SNX25: variants seen among roughly 807,000 people sequenced by gnomAD.
SNX25 encodes the protein sorting nexin 25.
Under a neutral mutation model 113.7 loss-of-function variants are expected in SNX25, and 62 were observed. The ratio of observed to expected loss-of-function variants is 0.55; its 90% CI spans 0.44 to 0.67. The LOEUF (loss-of-function observed/expected upper bound fraction) is 0.67, where lower values mean the gene tolerates loss of function less well. Among genes scored for constraint, SNX25 ranks in the 30% least tolerant of loss-of-function variants. The pLI, the probability that SNX25 is intolerant of heterozygous loss-of-function variation, is 0.00. For missense variants in SNX25, 1,014 were observed against 1,161.0 expected (o/e 0.87, Z 1.84); for synonymous variants, 421 against 436.2 (o/e 0.97, Z 0.43).
At chr4:185,306,960 C>T (rs1414590718) in intron 6 of SNX25, among the ~76,000 whole-genome samples, 1 of 152,150 alleles carries the variant, frequency 6.6e-6, no homozygotes, top group African/African-American at 2.4e-5. Context: ...CCAAGTATAA[C>T]ACAAGTTCAG....
intron 10 of SNX25, among the ~76,000 whole-genome samples, chr4:185,336,501 C>A (rs2095230712): frequency 1.3e-5 from 2 of 152,190 alleles, no homozygotes; most frequent in African/African-American, 4.8e-5. Flanking sequence ...GCCATTATTT[C>A]ATTCCTTTTT....
chr4:185,264,371 A>G lies in SNX25; in HGVS notation c.732-67A>G, dbSNP rs530168762. 6 of 1,407,056 alleles carry G rather than the reference A, an allele frequency of 4.3e-6. No homozygotes were observed. The South Asian group carries it at 8.0e-5, about 19-fold the overall frequency. 87.2% of individuals were successfully genotyped at this position (1,407,056 alleles called of 1,614,324 possible). The stretch of plus-strand genomic sequence containing the variant: ...GTGTTTCTCATTTGAAATATTTTTT[A>G]CCTAATAGTACATAATTGAATTGTT... On this transcript the variant is annotated intron_variant, in intron 3 of 18. Coordinates refer to ENST00000652585, the MANE Select transcript of SNX25 (RefSeq NM_001378034.2).
intron 3 of SNX25, among the ~76,000 whole-genome samples, chr4:185,260,136 T>G (rs1437369220): frequency 6.6e-6 from 1 of 152,168 alleles, no homozygotes; most frequent in South Asian, 2.1e-4. Flanking sequence ...ACACTTTTTT[T>G]AACGTTTTTT....
intron 9 of SNX25, among the ~76,000 whole-genome samples, chr4:185,325,229 G>C (rs1235597582): frequency 3.9e-5 from 6 of 152,136 alleles, no homozygotes; most frequent in Admixed American, 3.9e-4. Flanking sequence ...TTTTCTGTTA[G>C]TAACCATTAT....
At chr4:185,268,691 A>G (rs1002398529) in intron 5 of SNX25, among the ~76,000 whole-genome samples, 4 of 152,210 alleles carry the variant, frequency 2.6e-5, no homozygotes, top group African/African-American at 9.6e-5. Flanking sequence ...TAACATTAAG[A>G]TGACTCATGC....
At chr4:185,377,844 T>A in the SNX25 span, 1 of 398,104 alleles carries the variant, frequency 2.5e-6, no homozygotes, top group African/African-American at 2.1e-5. Flanking sequence ...TCTAGAAGCA[T>A]GTCCTTAAGT....
chr4:185,209,144 T>C (rs1367348332), upstream of SNX25, among the ~76,000 whole-genome samples: 1 of 152,176 alleles, frequency 6.6e-6, no homozygotes, highest in Non-Finnish European at 1.5e-5. The surrounding 1 kb of genome is among the most constrained non-coding windows in gnomAD (Gnocchi z 5.2). Flanking sequence ...ACGTGTCTGA[T>C]TCCTTCCCTA....
At chr4:185,335,618 TTA>T (rs2095225099) in intron 10 of SNX25, among the ~76,000 whole-genome samples, 3 of 152,306 alleles carry the variant, frequency 2.0e-5, no homozygotes, top group Admixed American at 1.3e-4. Context: ...AATTAGCCTT[TTA>T]GTTTGATTCC....
chr4:185,374,100 A>G, downstream of SNX25: 2 of 1,538,816 alleles, frequency 1.3e-6, no homozygotes, highest in Non-Finnish European at 1.8e-6. Context: ...ATTAATCTAA[A>G]TATAACACTA....
rs1354297642 is a variant in SNX25 at position 185,210,068 on chromosome 4, C to T, written c.242C>T (p.Ala81Val). ...LSFLGPGSGE[A>V]AGAAGLSSVL... is the part of the protein sequence containing the mutation. ...TTCCTGGGGCCCGGCAGCGGGGAGGCGGCGGGGGCCGCGGGGCTGAGCTCC... is the reference window on the plus strand; with the variant it reads ...TTCCTGGGGCCCGGCAGCGGGGAGGTGGCGGGGGCCGCGGGGCTGAGCTCC... Residue 81 changes from alanine to valine, a missense_variant, in exon 1 of 19, where the codon GCG (alanine) becomes GTG (valine). Ala to Val is a moderately conservative substitution (Grantham distance 64). Transcript: ENST00000652585. This position sits in a 1 kb window ranked among gnomAD's most constrained non-coding sequence, Gnocchi z 4.4. 4.1e-6 allele frequency: 4 copies of T among 984,170 alleles called. No homozygotes were observed. In the African/African-American group the frequency reaches 7.0e-5, roughly 17 times the overall value. 61.0% of individuals were successfully genotyped at this position (984,170 alleles called of 1,614,324 possible).
intron 9 of SNX25, among the ~76,000 whole-genome samples, chr4:185,329,386 G>A (rs1228773254): frequency 2.0e-5 from 3 of 152,192 alleles, no homozygotes; most frequent in African/African-American, 2.4e-5. Flanking sequence ...AGAAGAGGCC[G>A]AGGGTGTCTG....
downstream of SNX25, chr4:185,365,919 C>T (rs1361941154): frequency 6.6e-6 from 1 of 152,098 alleles, no homozygotes; most frequent in Non-Finnish European, 1.5e-5. Context: ...TACAGACAAG[C>T]CAGAACATAA....
Position 185,362,007 on chromosome 4 carries a change from CA to C in SNX25, c.2738del (p.Asn913MetfsTer48), listed in dbSNP as rs2095366717. 6.2e-7 allele frequency: 1 copy of C among 1,613,676 alleles called. No homozygotes were observed. Among genetic ancestry groups the C allele is most frequent in the Non-Finnish European group, 8.5e-7 (1 of 1,179,876 alleles). ...YINIFRDAFW[P>X]NGKLAPPTTI... is the part of the protein sequence containing the mutation. ...AATATTTTCCGGGATGCTTTTTGGC[CA>C]AATGGGAAGTTGGCACCACCGACCA... On this transcript the variant is annotated frameshift_variant, in exon 17 of 19. Coordinates refer to ENST00000652585, the MANE Select transcript of SNX25 (RefSeq NM_001378034.2). LOFTEE classifies it high-confidence loss of function.
chr4:185,284,316 G>A (rs1751047833), intron 5 of SNX25, among the ~76,000 whole-genome samples: 1 of 152,152 alleles, frequency 6.6e-6, no homozygotes. Flanking sequence ...CATTCTTTGT[G>A]GAAGTGTGAC....
At chr4:185,308,543 A>C (rs1579723684) in intron 6 of SNX25, among the ~76,000 whole-genome samples, 1 of 152,178 alleles carries the variant, frequency 6.6e-6, no homozygotes, top group Middle Eastern at 3.2e-3. Flanking sequence ...TCAGCCCCAA[A>C]TTCTAGAAAG....
chr4:185,373,552 C>A (rs1455576611), downstream of SNX25, among the ~76,000 whole-genome samples: 3 of 152,202 alleles, frequency 2.0e-5, no homozygotes, highest in Non-Finnish European at 4.4e-5. Context: ...TTGCCTCATA[C>A]TCTGCTACAG....
intron 5 of SNX25, among the ~76,000 whole-genome samples, chr4:185,277,528 C>T (rs1227853974): frequency 6.6e-6 from 1 of 151,948 alleles, no homozygotes; most frequent in Non-Finnish European, 1.5e-5. Flanking sequence ...CCCGCCATGG[C>T]CGATTTAAAG....
chr4:185,210,274 G>C lies in SNX25; in HGVS notation c.429+19G>C, dbSNP rs1737527445. 4 of 984,524 alleles carry C rather than the reference G, an allele frequency of 4.1e-6. No individual in the cohort carries two copies. The highest frequency in any genetic ancestry group is 1.8e-5 in the African/African-American group (1 of 57,106). 61.0% of individuals were successfully genotyped at this position (984,524 alleles called of 1,614,324 possible). A position where few individuals can be genotyped will look rare whatever the true frequency, so the allele number is the denominator to read the frequency against. On this transcript the variant is annotated intron_variant, in intron 1 of 18. Transcript: ENST00000652585. This position sits in a 1 kb window ranked among gnomAD's most constrained non-coding sequence, Gnocchi z 4.4. ...GCCGGGGGTAAGTACCCGACTCCTG[G>C]CCGCCCAGCTCCGCCGGCCCTCCCC...
intron 5 of SNX25, among the ~76,000 whole-genome samples, chr4:185,281,580 C>T (rs1446479048): frequency 1.3e-5 from 2 of 152,086 alleles, no homozygotes; most frequent in Non-Finnish European, 2.9e-5. Context: ...TCCAGCAGTC[C>T]CTTTTAGTAG....
Sources: allele counts gnomAD v4.1 joint callset (sites outside exome capture counted in the v4.1 genomes callset), GRCh38; gene constraint gnomAD v4.1.1; non-coding constraint Gnocchi (gnomAD v3.1); transcripts MANE v1.5; gene names NCBI Gene and HGNC (gene_info 2026-07-23, HGNC 2026-07-21).